Variants in CCSER1 observed in about 807,000 individuals in gnomAD.
The protein encoded by CCSER1 is serine-rich coiled-coil domain-containing protein 1.
In CCSER1, 41 loss-of-function variants were observed where a neutral mutation model predicts 82.0. The observed-to-expected ratio is 0.50, with a 90% CI of 0.39 to 0.65. CCSER1 has a LOEUF of 0.65. Among genes scored for constraint, CCSER1 ranks in the 30% least tolerant of loss-of-function variants. The pLI is 0.00. For synonymous variants in CCSER1, 414 were observed against 383.9 expected (o/e 1.08, Z -0.92); for missense variants, 1,119 against 1,064.2 (o/e 1.05, Z -0.72).
intron 8 of CCSER1, among the ~76,000 whole-genome samples, chr4:90,829,832 T>C (rs901240832): frequency 2.6e-5 from 4 of 152,222 alleles, no homozygotes; most frequent in Non-Finnish European, 1.5e-5. Flanking sequence ...TTCCTGCATA[T>C]GCAGTGCTTT....
intron 6 of CCSER1, among the ~76,000 whole-genome samples, chr4:90,628,801 C>G (rs1188326816): frequency 6.6e-6 from 1 of 152,120 alleles, no homozygotes. Flanking sequence ...TTCTTTTACC[C>G]TTGTGCCCAG....
intron 10 of CCSER1, among the ~76,000 whole-genome samples, chr4:91,280,491 C>T (rs1742832321): frequency 6.6e-6 from 1 of 152,094 alleles, no homozygotes; most frequent in African/African-American, 2.4e-5. Flanking sequence ...TGCCCATCCT[C>T]AGGCCTCTGG....
chr4:90,353,528 G>C (rs534543341), intron 3 of CCSER1, among the ~76,000 whole-genome samples: 49 of 152,230 alleles, frequency 3.2e-4, no homozygotes, highest in African/African-American at 1.2e-3. Context: ...TCTTAAAGAT[G>C]GTAAGAGGAA....
chr4:91,502,675 G>T (rs1209254512), intron 10 of CCSER1, among the ~76,000 whole-genome samples: 1 of 152,126 alleles, frequency 6.6e-6, no homozygotes. Context: ...GACCTAATGT[G>T]AATCTGTTTC....
At chr4:91,122,683 G>T (rs918850522) in intron 10 of CCSER1, among the ~76,000 whole-genome samples, 1 of 151,570 alleles carries the variant, frequency 6.6e-6, no homozygotes, top group African/African-American at 2.4e-5. Context: ...AGATATACTA[G>T]CACATTGAAC....
chr4:90,518,340 T>G (rs1939429362), intron 5 of CCSER1, among the ~76,000 whole-genome samples: 1 of 151,976 alleles, frequency 6.6e-6, no homozygotes, highest in South Asian at 2.1e-4. Context: ...GACTAGAGAG[T>G]AGGTGTTTGA....
At chr4:90,259,933 T>G (rs1033081070) in intron 1 of CCSER1, among the ~76,000 whole-genome samples, 1 of 152,136 alleles carries the variant, frequency 6.6e-6, no homozygotes, top group South Asian at 2.1e-4. Context: ...TTTCTCTTTT[T>G]TGTTATGTCC....
chr4:91,311,656 T>C (rs569132924), intron 10 of CCSER1, among the ~76,000 whole-genome samples: 95 of 152,078 alleles, frequency 6.2e-4, no homozygotes, highest in African/African-American at 2.1e-3. Context: ...AAAAATATAA[T>C]CTATAAATCA....
At chr4:90,230,273 C>T (rs946587090) in intron 1 of CCSER1, among the ~76,000 whole-genome samples, 1 of 152,084 alleles carries the variant, frequency 6.6e-6, no homozygotes, top group Non-Finnish European at 1.5e-5. Context: ...CAAACTGTCT[C>T]TCAGACCACA....
intron 1 of CCSER1, among the ~76,000 whole-genome samples, chr4:90,263,352 A>G (rs1169530509): frequency 1.3e-5 from 2 of 152,208 alleles, no homozygotes; most frequent in Non-Finnish European, 2.9e-5. Context: ...CGGCTATGTG[A>G]ACTGACTTTA....
chr4:91,441,766 A>G (rs1037231406), intron 10 of CCSER1, among the ~76,000 whole-genome samples: 1 of 152,216 alleles, frequency 6.6e-6, no homozygotes, highest in African/African-American at 2.4e-5. Flanking sequence ...AAGCAACTTC[A>G]GCAAAGTCTC....
Position 90,327,179 on chromosome 4 carries a change from G to C in CCSER1, c.1509+14132G>C, listed in dbSNP as rs532774499. On this transcript the variant is annotated intron_variant, in intron 3 of 10. Coordinates refer to ENST00000509176, the MANE Select transcript of CCSER1 (RefSeq NM_001145065.2). ...AGGGAAAATGGATCACAGGCTAGCTGCTTAACTCAGGCAGCAAGTGGAAAC... is the reference window on the plus strand; with the variant it reads ...AGGGAAAATGGATCACAGGCTAGCTCCTTAACTCAGGCAGCAAGTGGAAAC... Among the ~76,000 whole-genome samples the C allele has an allele frequency of 4.5e-4, 69 of 152,248 alleles. 1 individual carries two copies. The highest frequency in any genetic ancestry group is 1.6e-3 in the African/African-American group (65 of 41,556).
intron 10 of CCSER1, among the ~76,000 whole-genome samples, chr4:91,472,713 T>C (rs1757349386): frequency 6.6e-6 from 1 of 152,118 alleles, no homozygotes; most frequent in Non-Finnish European, 1.5e-5. Flanking sequence ...TTGGGACCCT[T>C]GAATAATATA....
At chr4:90,701,592 C>T (rs188869310) in intron 6 of CCSER1, among the ~76,000 whole-genome samples, 8,746 of 152,178 alleles carry the variant, frequency 0.057, 304 homozygotes, top group East Asian at 0.16. Flanking sequence ...GCCATTTTCA[C>T]GATATTGATT....
chr4:91,093,768 G>A (rs1047729355), intron 10 of CCSER1, among the ~76,000 whole-genome samples: 1 of 152,158 alleles, frequency 6.6e-6, no homozygotes, highest in Non-Finnish European at 1.5e-5. Context: ...GCTGACATAA[G>A]TTTTTCCTTT....
intron 8 of CCSER1, among the ~76,000 whole-genome samples, chr4:90,837,042 A>G (rs935653381): frequency 6.6e-6 from 1 of 152,218 alleles, no homozygotes; most frequent in Non-Finnish European, 1.5e-5. Context: ...TCTTTCTACT[A>G]TCTTTATAAA....
intron 7 of CCSER1, among the ~76,000 whole-genome samples, chr4:90,809,344 A>ACG (rs1158019587): frequency 2.0e-5 from 3 of 148,924 alleles, no homozygotes; most frequent in African/African-American, 7.4e-5. Flanking sequence ...ACACACACGC[A>ACG]CACACACAGC....
chr4:90,806,794 C>G (rs1253701849), intron 7 of CCSER1, among the ~76,000 whole-genome samples: 1 of 151,926 alleles, frequency 6.6e-6, no homozygotes, highest in African/African-American at 2.4e-5. Context: ...ATGAGCCCCT[C>G]ATTTGGCTCA....
chr4:91,038,458 CAT>C (rs1207298898), intron 9 of CCSER1, among the ~76,000 whole-genome samples: 1 of 148,088 alleles, frequency 6.8e-6, no homozygotes, highest in Non-Finnish European at 1.5e-5. Context: ...TAAAAAGATT[CAT>C]GTGAAAACAG....
Sources: gnomAD v4.1 joint callset for allele counts (sites outside exome capture counted in the v4.1 genomes callset) on GRCh38, gnomAD v4.1.1 for gene constraint, MANE v1.5 for transcripts, NCBI Gene and HGNC (gene_info 2026-07-23, HGNC 2026-07-21) for gene names.